Variants in CDH2 observed in about 807,000 individuals in gnomAD.
CDH2 encodes the protein cadherin 2.
In CDH2, 17 loss-of-function variants were observed where a neutral mutation model predicts 92.0. The observed-to-expected ratio is 0.18, with a 90% CI of 0.13 to 0.28. CDH2 has a LOEUF of 0.28. CDH2 is among the 10% of genes least tolerant of loss of function. The pLI, the probability that CDH2 is intolerant of heterozygous loss-of-function variation, is 1.00. For synonymous variants in CDH2, 419 were observed against 415.9 expected, an observed-to-expected ratio of 1.01 and a Z score of -0.09; for missense variants, 862 against 1,133.1, an observed-to-expected ratio of 0.76 and a Z score of 3.44.
In CDH2 at chr18:28,147,795, A is replaced by AC; in HGVS notation, c.61-12_61-11insG. 4.8e-6 allele frequency: 7 copies of AC among 1,455,998 alleles called. No homozygotes were observed. Among genetic ancestry groups the AC allele is most frequent in the African/African-American group, 1.4e-5 (1 of 70,302 alleles). The allele number at this position is 1,455,998 out of a possible 1,614,324, so 90.2% of individuals were successfully genotyped here. The stretch of plus-strand genomic sequence containing the variant: ...AGCCTCTACAGACGCCTGCAACACA[A>AC]GAAAAAAAAAAAAAATGTGTGCAAT... On this transcript the variant is annotated splice_polypyrimidine_tract_variant and intron_variant, in intron 1 of 15. Transcript: ENST00000269141.
chr18:27,944,776 A>C (rs1909228166), intron 6 of CDH2, among the ~76,000 whole-genome samples: 1 of 149,092 alleles, frequency 6.7e-6, no homozygotes, highest in Admixed American at 6.7e-5. Flanking sequence ...AAAAAAAAAA[A>C]GGCCAGGCAC....
chr18:28,088,717 GC>G (rs1239213882), intron 2 of CDH2, among the ~76,000 whole-genome samples: 1 of 152,126 alleles, frequency 6.6e-6, no homozygotes, highest in East Asian at 1.9e-4. Context: ...TCCTAAGGGG[GC>G]GGGCATGTTC....
chr18:27,965,941 T>C (rs981496413), intron 14 of CDH2, among the ~76,000 whole-genome samples: 3 of 121,728 alleles, frequency 2.5e-5, no homozygotes, highest in Non-Finnish European at 4.7e-5. Flanking sequence ...TGAGACAAGA[T>C]CGCATCACTG....
chr18:28,056,573 T>G (rs181934846), intron 2 of CDH2, among the ~76,000 whole-genome samples: 1 of 152,314 alleles, frequency 6.6e-6, no homozygotes, highest in Admixed American at 6.5e-5. Context: ...CTTTGAAGTC[T>G]TTAATGATCA....
At chr18:28,094,960 A>T (rs1405090588) in intron 2 of CDH2, among the ~76,000 whole-genome samples, 1 of 152,190 alleles carries the variant, frequency 6.6e-6, no homozygotes, top group Non-Finnish European at 1.5e-5. Context: ...AGAATTTATA[A>T]CATGTTATAT....
At chr18:28,075,029 T>C (rs1336801962) in intron 2 of CDH2, among the ~76,000 whole-genome samples, 1 of 152,174 alleles carries the variant, frequency 6.6e-6, no homozygotes, top group Non-Finnish European at 1.5e-5. Context: ...GGCTTCAATT[T>C]CCTCATCTGT....
Position 27,980,578 on chromosome 18 carries a change from A to T in CDH2, c.2349+2366T>A, listed in dbSNP as rs17493367. Among the ~76,000 whole-genome samples, 841 of 152,276 alleles carry T rather than the reference A, an allele frequency of 5.5e-3. 9 individuals are homozygous for T. Among genetic ancestry groups the T allele is most frequent in the African/African-American group, 0.019 (808 of 41,552 alleles). ...TTATATAATTTTGTCACAACTGTCT[A>T]GAATGAGAACTGCATGGAGAAATCA... On this transcript the variant is annotated intron_variant, in intron 14 of 15. Coordinates refer to ENST00000269141, the MANE Select transcript of CDH2 (RefSeq NM_001792.5).
chr18:27,963,863 G>GTCTT (rs1440458559), intron 14 of CDH2, among the ~76,000 whole-genome samples: 1 of 152,114 alleles, frequency 6.6e-6, no homozygotes, highest in Non-Finnish European at 1.5e-5. Context: ...CTAACTTCAT[G>GTCTT]TCTTTAATAT....
intron 2 of CDH2, among the ~76,000 whole-genome samples, chr18:28,097,901 T>G (rs2015163309): frequency 2.0e-5 from 3 of 152,118 alleles, no homozygotes; most frequent in Admixed American, 2.0e-4. Context: ...TAAAATGGAG[T>G]TTTTTTGTTA....
At chr18:28,093,557 T>C (rs1471922060) in intron 2 of CDH2, among the ~76,000 whole-genome samples, 1 of 135,798 alleles carries the variant, frequency 7.4e-6, no homozygotes, top group East Asian at 2.0e-4. Context: ...TCTTTTAAAG[T>C]CTAAGCAAAG....
intron 2 of CDH2, among the ~76,000 whole-genome samples, chr18:28,060,907 A>G (rs1035398542): frequency 2.6e-5 from 4 of 152,224 alleles, no homozygotes; most frequent in Admixed American, 1.3e-4. Context: ...CAAAATCAGC[A>G]TTTTAAAAAA....
rs1162278486 is a variant in CDH2 at position 28,087,647 on chromosome 18, T to C, written c.172+60026A>G. Among the ~76,000 whole-genome samples the C allele has an allele frequency of 1.3e-5, 2 of 152,160 alleles. 1 individual carries two copies. The highest frequency in any genetic ancestry group is 2.9e-5 in the Non-Finnish European group (2 of 68,028). ...AAAATCCAAATGTGTATTCCTTTGATAGGATATTGTTATATTAAAAATACT... is the reference window on the plus strand; with the variant it reads ...AAAATCCAAATGTGTATTCCTTTGACAGGATATTGTTATATTAAAAATACT... On this transcript the variant is annotated intron_variant, in intron 2 of 15. Coordinates refer to ENST00000269141, the MANE Select transcript of CDH2 (RefSeq NM_001792.5).
chr18:28,127,597 AC>A (rs1432140785), intron 2 of CDH2, among the ~76,000 whole-genome samples: 1 of 152,250 alleles, frequency 6.6e-6, no homozygotes, highest in African/African-American at 2.4e-5. Context: ...TTAACTGAGC[AC>A]CAAGGCTGAT....
chr18:28,156,752 CATGTCACCTTCCCAGGTACAGA>C (rs2016225072), intron 1 of CDH2, among the ~76,000 whole-genome samples: 2 of 133,324 alleles, frequency 1.5e-5, no homozygotes, highest in Non-Finnish European at 3.1e-5. Flanking sequence ...CCAGGTATAG[CATGTCACCTTCCCAGGTACAGA>C]ATGTCACCTT....
intron 2 of CDH2, among the ~76,000 whole-genome samples, chr18:28,016,313 G>T (rs958321896): frequency 6.6e-6 from 1 of 152,110 alleles, no homozygotes; most frequent in African/African-American, 2.4e-5. Context: ...ACACTTGATG[G>T]TCACAGGAAC....
chr18:28,089,121 A>G (rs2014991021), intron 2 of CDH2, among the ~76,000 whole-genome samples: 1 of 152,172 alleles, frequency 6.6e-6, no homozygotes, highest in East Asian at 1.9e-4. Flanking sequence ...TCTCCTTTAC[A>G]TGTCATTCAA....
chr18:27,939,715 T>A (rs1909092892), intron 6 of CDH2, among the ~76,000 whole-genome samples: 1 of 152,230 alleles, frequency 6.6e-6, no homozygotes, highest in African/African-American at 2.4e-5. Flanking sequence ...GGTTTAATTT[T>A]GTTTTTACTA....
chr18:28,050,158 C>T (rs1007296437), intron 2 of CDH2, among the ~76,000 whole-genome samples: 1 of 152,164 alleles, frequency 6.6e-6, no homozygotes, highest in African/African-American at 2.4e-5. Context: ...TTTTAAGCCA[C>T]TGAGTTCCGA....
At chr18:28,117,834 G>A (rs983096532) in intron 2 of CDH2, among the ~76,000 whole-genome samples, 2 of 152,038 alleles carry the variant, frequency 1.3e-5, no homozygotes, top group East Asian at 1.9e-4. Context: ...GTTAGCAGCT[G>A]AGCCAAACCC....
Sources: allele counts gnomAD v4.1 joint callset (sites outside exome capture counted in the v4.1 genomes callset), GRCh38; gene constraint gnomAD v4.1.1; transcripts MANE v1.5; gene names NCBI Gene and HGNC (gene_info 2026-07-23, HGNC 2026-07-21).